The following DUOX2 variants were observed in gnomAD, a reference collection of about 807,000 sequenced individuals.
The protein encoded by DUOX2 is dual oxidase 2.
A neutral mutation model predicts 183.3 loss-of-function variants in DUOX2; 185 were observed. That is an observed-to-expected ratio of 1.01 (90% CI 0.90 to 1.14). The LOEUF is 1.14. Ranked by LOEUF, DUOX2 falls within the 50% of genes most tolerant of loss-of-function variation. DUOX2 has a pLI of 0.00. For missense variants in DUOX2, 1,999 were observed against 2,022.9 expected (o/e 0.99, Z 0.23); for synonymous variants, 788 against 812.4 (o/e 0.97, Z 0.51).
At position 45,106,218 on chromosome 15, in the gene DUOX2, G is replaced by C; in HGVS notation, c.2055C>G (p.Val685=). The change falls in exon 17 of 34, where the codon GTC becomes GTG. Residue 685 remains valine, a synonymous_variant. Transcript: ENST00000389039. ...TGACCTGCTGCAGAGGCTGCAGCTG[G>C]ACCACACGGAGCACAGTGAGATGCC... is the stretch of plus-strand genomic sequence containing the variant. ...LNRHLTVLRV[V]QLQPLQQVNL... The C allele has an allele frequency of 1.2e-6, 2 of 1,614,132 alleles. No homozygotes were observed. Among genetic ancestry groups the C allele is most frequent in the Non-Finnish European group, 1.7e-6 (2 of 1,180,010 alleles).
At chr15:45,109,459 G>T in intron 11 of DUOX2, 65 bp downstream of exon 11, 2 of 1,459,436 alleles carry the variant, frequency 1.4e-6, no homozygotes, top group Non-Finnish European at 1.9e-6. Flanking sequence ...TGCTATTGAT[G>T]AACCCAGAGG....
intron 4 of DUOX2, 71 bp downstream of exon 4, chr15:45,112,482 CG>C (rs1894457145): frequency 6.3e-7 from 1 of 1,578,392 alleles, no homozygotes; most frequent in African/African-American, 1.3e-5. Flanking sequence ...GACTCGCAGA[CG>C]GGATCTGGCC....
intron 13 of DUOX2, 46 bp from the exon 14 acceptor site, chr15:45,107,509 G>C: frequency 6.3e-7 from 1 of 1,599,850 alleles, no homozygotes. Flanking sequence ...AGGGGATGCA[G>C]GCCTCCAGCA....
At position 45,099,793 on chromosome 15, in the gene DUOX2, G is replaced by C. The variant is rs777375808; in HGVS notation, c.3284C>G (p.Ser1095Cys). The C allele has an allele frequency of 6.8e-6, 11 of 1,614,234 alleles. No individual in the cohort carries two copies. Among genetic ancestry groups the C allele is most frequent in the Non-Finnish European group, 9.3e-6 (11 of 1,180,054 alleles). ...GTAASVSFMF[S>C]YILLTMCRNL... ...GCGGCACATGGTGAGCAAGATATAA[G>C]AGAACATGAAGGAGACGCTGGCCGC... is the stretch of plus-strand genomic sequence containing the variant. Residue 1095 changes from serine (S) to cysteine (C), a missense_variant, in exon 25 of 34, where the codon TCT becomes TGT. Physicochemically the swap from Ser to Cys is moderately radical, Grantham distance 112. This residue lies in a region of DUOX2 where 1,628 missense variants were observed against 1,608.6 expected (regional missense o/e 1.01). Coordinates refer to ENST00000389039, the MANE Select transcript of DUOX2 (RefSeq NM_001363711.2).
At chr15:45,112,891 G>C in intron 3 of DUOX2, 96 bp downstream of exon 3, 2 of 1,550,908 alleles carry the variant, frequency 1.3e-6, no homozygotes, top group Non-Finnish European at 1.8e-6. Context: ...CGGAGCTGCT[G>C]GGCGCGTGTT....
At chr15:45,112,000 G>A (rs754205050) in intron 4 of DUOX2, 45 bp from the exon 5 acceptor site, 15 of 1,602,276 alleles carry the variant, frequency 9.4e-6, no homozygotes, top group African/African-American at 1.3e-5. Flanking sequence ...TCCGTATTGC[G>A]CCCTCCCCAC....
intron 11 of DUOX2, chr15:45,109,287 C>A (rs1894314178): frequency 3.3e-6 from 2 of 601,786 alleles, no homozygotes; most frequent in Admixed American, 5.9e-5. Flanking sequence ...GATTGTGGTA[C>A]CACCCCTCCC....
intron 12 of DUOX2, chr15:45,108,460 C>A (rs1374808829): frequency 1.7e-6 from 1 of 602,544 alleles, no homozygotes. Flanking sequence ...CCATCACCAG[C>A]CTGCCTGACC....
At position 45,103,989 on chromosome 15, in the gene DUOX2, G is replaced by C; in HGVS notation, c.2625C>G (p.Leu875=). The stretch of plus-strand genomic sequence containing the variant: ...TCATGGTGAAGAATTCGTCCTTGGA[G>C]AGGAAGCCATTCTCATCCAGGTCAT... ...TMYDLDENGF[L]SKDEFFTMMR... The change falls in exon 20 of 34, where the codon CTC becomes CTG. Residue 875 remains leucine, a synonymous_variant. Coordinates refer to ENST00000389039, the MANE Select transcript of DUOX2 (RefSeq NM_001363711.2). The C allele has an allele frequency of 6.2e-7, 1 of 1,614,194 alleles. No individual in the cohort carries two copies. The highest frequency in any genetic ancestry group is 8.5e-7 in the Non-Finnish European group (1 of 1,180,040).
chr15:45,100,128 C>T lies in DUOX2; in HGVS notation c.3106G>A (p.Glu1036Lys), dbSNP rs150219273. The T allele has an allele frequency of 1.2e-5, 19 of 1,614,090 alleles. No homozygotes were observed. In the African/African-American group the frequency reaches 2.3e-4, roughly 19 times the overall value. The change falls in exon 24 of 34, where the codon GAG becomes AAG. Residue 1036 changes from glutamate to lysine, a missense_variant. Physicochemically the swap from Glu to Lys is moderately conservative, Grantham distance 56. Transcript: ENST00000389039. The stretch of plus-strand genomic sequence containing the variant: ...CACACGATGTGCCTCCGGTAGTTCT[C>T]CACGAAGCGCTTGTACTGCTGCAGC... The part of the protein sequence containing the change: ...QKLQQYKRFV[E>K]NYRRHIVCVA...
At chr15:45,105,965 C>T (rs555244633) in intron 17 of DUOX2, 137 bp from the exon 18 acceptor site, 173 of 1,382,214 alleles carry the variant, frequency 1.3e-4, no homozygotes, top group South Asian at 6.8e-4. Flanking sequence ...GGTGTGTGGA[C>T]GAAGGGGGTC....
intron 20 of DUOX2, among the ~76,000 whole-genome samples, chr15:45,103,416 A>G (rs1177624311): frequency 6.6e-6 from 1 of 152,194 alleles, no homozygotes; most frequent in East Asian, 1.9e-4. Flanking sequence ...TGACGCATTC[A>G]TTGTCTTCAG....
rs200541410 is a variant in DUOX2, at chr15:45,095,908, G to A, written c.4000C>T (p.Arg1334Trp). The A allele has an allele frequency of 2.5e-5, 40 of 1,613,998 alleles. No individual in the cohort carries two copies. The East Asian group carries it at 5.6e-4, about 22-fold the overall frequency. The change falls in exon 30 of 34, where the codon CGG becomes TGG. Residue 1334 changes from arginine (R) to tryptophan (W), a missense_variant. This residue lies in a region of DUOX2 where 1,628 missense variants were observed against 1,608.6 expected (regional missense o/e 1.01). Transcript: ENST00000389039. ...PHEDTLSLHIRAVGPWTTRLR... is the reference protein window; with the variant it reads ...PHEDTLSLHIWAVGPWTTRLR... ...CGAGTGGTCCAGGGCCCCACTGCCC[G>A]GATGTGCAGGCTGAGTGTGTCCTCA...
rs368512412 is a variant in DUOX2 at position 45,094,245 on chromosome 15, C to T, written c.4552G>A (p.Gly1518Ser). The change falls in exon 34 of 34, where the codon GGC (glycine) becomes AGC (serine). Residue 1518 changes from glycine to serine, a missense_variant. This residue lies in a region of DUOX2 where 1,628 missense variants were observed against 1,608.6 expected (regional missense o/e 1.01). Coordinates refer to ENST00000389039, the MANE Select transcript of DUOX2 (RefSeq NM_001363711.2). ...ACATTCTTGGTCATTCCTGGAGGGC[C>T]GCAGCTGAACACCCCGATCTTGCGC... ...QVRKIGVFSC[G>S]PPGMTKNVEK... The T allele has an allele frequency of 9.7e-5, 157 of 1,613,956 alleles. No homozygotes were observed. The highest frequency in any genetic ancestry group is 1.2e-4 in the Non-Finnish European group (143 of 1,180,018).
chr15:45,099,264 C>A, intron 26 of DUOX2, 119 bp downstream of exon 26: 2 of 811,544 alleles, frequency 2.5e-6, no homozygotes, highest in Non-Finnish European at 4.1e-6. Flanking sequence ...CCCACCTCGG[C>A]CTCCCAAAGT....
chr15:45,094,726 T>G (rs372384451), intron 32 of DUOX2, 35 bp from the exon 33 acceptor site: 3 of 1,612,446 alleles, frequency 1.9e-6, no homozygotes, highest in Admixed American at 1.7e-5. Flanking sequence ...CCAAAGACAG[T>G]CAGGGCCAGC....
chr15:45,104,329 G>A lies in DUOX2; in HGVS notation c.2371C>T (p.Pro791Ser). 1.2e-6 allele frequency: 2 copies of A among 1,614,034 alleles called. No homozygotes were observed. Among genetic ancestry groups the A allele is most frequent in the Non-Finnish European group, 1.7e-6 (2 of 1,179,992 alleles). Residue 791 changes from proline (P) to serine (S), a missense_variant, in exon 19 of 34, where the codon CCC becomes TCC. By Grantham distance (74) the Pro-to-Ser change is moderately conservative. Transcript: ENST00000389039. ...DINQADAGTL[P>S]LDSSQKVREA... ...CGCACCTTCTGGGAGGAGTCCAGGG[G>A]CAGGGTCCCTGCGTCGGCCTGGTTG...
At chr15:45,100,340 A>G (rs1894048208) in intron 23 of DUOX2, 112 bp from the exon 24 acceptor site, 3 of 1,054,084 alleles carry the variant, frequency 2.8e-6, no homozygotes, top group Middle Eastern at 3.0e-4. Flanking sequence ...ATGGGCCACA[A>G]CAGATGAATG....
chr15:45,109,367 A>T, intron 11 of DUOX2, 157 bp downstream of exon 11: 2 of 669,968 alleles, frequency 3.0e-6, no homozygotes, highest in Non-Finnish European at 5.2e-6. Flanking sequence ...AAAAAAAAAA[A>T]AGTTCAAAGT....
Sources: allele counts gnomAD v4.1 joint callset (sites outside exome capture counted in the v4.1 genomes callset), GRCh38; gene constraint gnomAD v4.1.1; regional missense constraint gnomAD v4.1.1; transcripts MANE v1.5; gene names NCBI Gene and HGNC (gene_info 2026-07-23, HGNC 2026-07-21).